Variants in SNTG1 observed in about 807,000 individuals in gnomAD.
SNTG1 encodes the protein gamma-1-syntrophin.
In SNTG1, 39 loss-of-function variants were observed where a neutral mutation model predicts 74.7. That is an observed-to-expected ratio of 0.52 (90% CI 0.40 to 0.68). The LOEUF (loss-of-function observed/expected upper bound fraction) is 0.68, where lower values mean the gene tolerates loss of function less well. Among genes scored for constraint, SNTG1 ranks in the 30% least tolerant of loss-of-function variants. The pLI, the probability that SNTG1 is intolerant of heterozygous loss-of-function variation, is 0.00. For synonymous variants in SNTG1, 254 were observed against 217.1 expected, an observed-to-expected ratio of 1.17 and a Z score of -1.49; for missense variants, 685 against 609.5, an observed-to-expected ratio of 1.12 and a Z score of -1.30.
chr8:50,566,185 C>T (rs1373671988), intron 12 of SNTG1, among the ~76,000 whole-genome samples: 1 of 151,842 alleles, frequency 6.6e-6, no homozygotes, highest in Non-Finnish European at 1.5e-5. Flanking sequence ...AAAGAAAAGG[C>T]TATTTAATCA....
At chr8:50,771,701 A>G (rs1202083349) in intron 18 of SNTG1, among the ~76,000 whole-genome samples, 2 of 152,006 alleles carry the variant, frequency 1.3e-5, no homozygotes, top group African/African-American at 4.8e-5. Context: ...CATTTCAAAG[A>G]TCTTTGAGGC....
intron 13 of SNTG1, among the ~76,000 whole-genome samples, chr8:50,627,034 C>T (rs183700837): frequency 3.3e-5 from 5 of 151,940 alleles, no homozygotes; most frequent in South Asian, 4.2e-4. Context: ...TTGATTTTGT[C>T]GACTGCACAG....
intron 15 of SNTG1, among the ~76,000 whole-genome samples, chr8:50,691,463 G>A (rs1585547157): frequency 1.3e-5 from 2 of 152,234 alleles, no homozygotes; most frequent in South Asian, 4.1e-4. Flanking sequence ...AAGTCTCTCA[G>A]CATTTGTTTG....
rs2095013233 is a variant in SNTG1 at position 50,633,041 on chromosome 8, T to C, written c.850-23868T>C. Among the ~76,000 whole-genome samples the C allele has an allele frequency of 2.0e-5, 3 of 152,222 alleles. No individual in the cohort carries two copies. The East Asian group carries it at 5.8e-4, about 29-fold the overall frequency. On this transcript the variant is annotated intron_variant, in intron 13 of 18. Coordinates refer to ENST00000642720, the MANE Select transcript of SNTG1 (RefSeq NM_018967.5). ...CATAGCTTTGCAGTAGAAATAAAGA[T>C]GAGGGCCTCATTAATCATTAATTGG...
intron 13 of SNTG1, among the ~76,000 whole-genome samples, chr8:50,626,490 C>T (rs924636461): frequency 3.3e-5 from 5 of 152,180 alleles, no homozygotes; most frequent in Admixed American, 1.3e-4. Flanking sequence ...CTGAGATCCC[C>T]AAACAGAGTT....
At chr8:49,931,944 C>T (rs113151748) in intron 1 of SNTG1, among the ~76,000 whole-genome samples, 2 of 152,270 alleles carry the variant, frequency 1.3e-5, no homozygotes, top group African/African-American at 4.8e-5. Flanking sequence ...TATTCACTAT[C>T]TTCATTTGGA....
intron 11 of SNTG1, among the ~76,000 whole-genome samples, chr8:50,550,238 T>G (rs1410206192): frequency 3.3e-5 from 5 of 152,144 alleles, no homozygotes; most frequent in African/African-American, 1.2e-4. Context: ...TAAGCCCACC[T>G]CATTCTGAGC....
chr8:50,640,002 G>T (rs2131166024), intron 13 of SNTG1, among the ~76,000 whole-genome samples: 1 of 152,152 alleles, frequency 6.6e-6, no homozygotes, highest in South Asian at 2.1e-4. Flanking sequence ...TACTATCATT[G>T]TGGATTTAAA....
chr8:50,771,879 C>G (rs2095628099), intron 18 of SNTG1, among the ~76,000 whole-genome samples: 1 of 152,048 alleles, frequency 6.6e-6, no homozygotes, highest in South Asian at 2.1e-4. Context: ...AAGGCACAAG[C>G]AGTAAGCCTT....
intron 17 of SNTG1, among the ~76,000 whole-genome samples, chr8:50,735,155 G>A (rs373551407): frequency 6.6e-6 from 1 of 151,230 alleles, no homozygotes; most frequent in Non-Finnish European, 1.5e-5. Context: ...CTTCCTGCCC[G>A]ACATATTGGA....
intron 1 of SNTG1, among the ~76,000 whole-genome samples, chr8:50,159,190 CTA>C (rs1300460879): frequency 6.6e-6 from 1 of 151,710 alleles, no homozygotes; most frequent in Non-Finnish European, 1.5e-5. Flanking sequence ...AGATTTTTGA[CTA>C]TTTTAAATAT....
intron 1 of SNTG1, among the ~76,000 whole-genome samples, chr8:49,959,828 C>A (rs548971530): frequency 1.3e-5 from 2 of 152,274 alleles, no homozygotes; most frequent in South Asian, 2.1e-4. Flanking sequence ...AAATGGTAAC[C>A]TTTCCCTATC....
chr8:50,771,935 C>G (rs2095628237), intron 18 of SNTG1, among the ~76,000 whole-genome samples: 1 of 152,032 alleles, frequency 6.6e-6, no homozygotes, highest in African/African-American at 2.4e-5. Context: ...AATGTGAGAG[C>G]TATGGAAACA....
At chr8:49,955,650 G>A (rs1810089664) in intron 1 of SNTG1, among the ~76,000 whole-genome samples, 1 of 152,208 alleles carries the variant, frequency 6.6e-6, no homozygotes, top group Admixed American at 6.5e-5. Flanking sequence ...TAACTCACCA[G>A]AAAGGGAGGA....
intron 1 of SNTG1, among the ~76,000 whole-genome samples, chr8:49,986,878 TAAAC>T (rs1401492519): frequency 6.6e-6 from 1 of 152,070 alleles, no homozygotes. Context: ...TCAAAATAGA[TAAAC>T]AAATAAATAA....
intron 17 of SNTG1, among the ~76,000 whole-genome samples, chr8:50,730,957 C>T (rs571211921): frequency 2.6e-5 from 4 of 152,158 alleles, no homozygotes; most frequent in Admixed American, 6.6e-5. Context: ...CCCCTTTTTA[C>T]ACTCACCTTT....
chr8:50,077,912 T>C (rs1822041117), intron 1 of SNTG1, among the ~76,000 whole-genome samples: 1 of 152,196 alleles, frequency 6.6e-6, no homozygotes, highest in Admixed American at 6.5e-5. Flanking sequence ...TTAAATTGAG[T>C]TGGTATTTTT....
At chr8:50,009,270 CTTTAA>C (rs923216429) in intron 1 of SNTG1, among the ~76,000 whole-genome samples, 3 of 151,952 alleles carry the variant, frequency 2.0e-5, no homozygotes, top group Non-Finnish European at 4.4e-5. Flanking sequence ...CTTTTGTCAA[CTTTAA>C]TTTAAATTTT....
At chr8:50,581,899 G>A (rs746609230) in intron 12 of SNTG1, among the ~76,000 whole-genome samples, 14 of 152,252 alleles carry the variant, frequency 9.2e-5, no homozygotes, top group Non-Finnish European at 1.6e-4. Flanking sequence ...ACAAACATAA[G>A]TATATGTGCA....
Sources: allele counts gnomAD v4.1 joint callset (sites outside exome capture counted in the v4.1 genomes callset), GRCh38; gene constraint gnomAD v4.1.1; transcripts MANE v1.5; gene names NCBI Gene and HGNC (gene_info 2026-07-23, HGNC 2026-07-21).